The following HMCN1 variants were observed in gnomAD, a reference collection of about 807,000 sequenced individuals.
HMCN1 encodes hemicentin 1, also known as hemicentin-1.
Under a neutral mutation model 625.9 loss-of-function variants are expected in HMCN1, and 321 were observed. The observed-to-expected ratio is 0.51, with a 90% CI of 0.47 to 0.56. The LOEUF is 0.56. Ranked by LOEUF, HMCN1 falls within the 20% of genes least tolerant of loss-of-function variation. HMCN1 has a pLI of 0.00. For synonymous variants in HMCN1, 2,425 were observed against 2,417.6 expected (o/e 1.00, Z -0.09); for missense variants, 6,588 against 6,887.3 (o/e 0.96, Z 1.54).
chr1:186,076,306 A>T, intron 53 of HMCN1, 122 bp from the exon 54 acceptor site: 10 of 989,828 alleles, frequency 1.0e-5, no homozygotes, highest in Non-Finnish European at 1.5e-5. Context: ...TGGCGTCAGT[A>T]CTTGAAATTA....
chr1:185,915,299 C>T lies in HMCN1; in HGVS notation c.900+3519C>T, dbSNP rs55661579. On this transcript the variant is annotated intron_variant, in intron 6 of 106. Coordinates refer to ENST00000271588, the MANE Select transcript of HMCN1 (RefSeq NM_031935.3). ...TGTAGGAAAGCTACAGATCATGGAT[C>T]TTATTTCTGAGAAGCAATATGATTT... Among the ~76,000 whole-genome samples the T allele has an allele frequency of 7.8e-3, 1,189 of 152,120 alleles. 9 individuals are homozygous for T. The highest frequency in any genetic ancestry group is 0.026 in the African/African-American group (1,072 of 41,548).
chr1:185,821,276 G>A, intron 1 of HMCN1, among the ~76,000 whole-genome samples: 1 of 151,988 alleles, frequency 6.6e-6, no homozygotes, highest in East Asian at 1.9e-4. Context: ...TACATTGAGA[G>A]GAATTCTGAA....
At chr1:185,864,817 A>G (rs1221535403) in intron 3 of HMCN1, among the ~76,000 whole-genome samples, 189 bp downstream of exon 3, 1 of 152,242 alleles carries the variant, frequency 6.6e-6, no homozygotes, top group Admixed American at 6.5e-5. Context: ...TATACATACC[A>G]TATGAATGTC....
chr1:185,839,283 T>G (rs1254433009), intron 1 of HMCN1, among the ~76,000 whole-genome samples: 3 of 152,218 alleles, frequency 2.0e-5, no homozygotes, highest in Non-Finnish European at 4.4e-5. Flanking sequence ...AACTTTGAAA[T>G]GAATTACAGT....
intron 30 of HMCN1, among the ~76,000 whole-genome samples, chr1:186,010,381 T>A (rs1157573276): frequency 1.3e-5 from 2 of 152,200 alleles, no homozygotes; most frequent in Admixed American, 6.5e-5. Context: ...TATGTATTTG[T>A]CAAATTTAAG....
intron 1 of HMCN1, among the ~76,000 whole-genome samples, chr1:185,839,419 T>C (rs1255933674): frequency 3.3e-5 from 5 of 152,216 alleles, no homozygotes; most frequent in African/African-American, 1.2e-4. Flanking sequence ...TTGGAAAGCT[T>C]GTTAATTAAA....
intron 11 of HMCN1, among the ~76,000 whole-genome samples, chr1:185,944,045 C>T (rs547316385): frequency 5.7e-4 from 86 of 152,198 alleles, no homozygotes; most frequent in Non-Finnish European, 1.2e-3. Context: ...GGTTACAAAG[C>T]CAGCAAGTGG....
intron 4 of HMCN1, among the ~76,000 whole-genome samples, chr1:185,883,556 T>G (rs1664440902): frequency 6.6e-6 from 1 of 152,060 alleles, no homozygotes; most frequent in Non-Finnish European, 1.5e-5. Flanking sequence ...TTTACCCAAG[T>G]TATTGTGTGT....
At chr1:185,832,937 G>C (rs983356815) in intron 1 of HMCN1, among the ~76,000 whole-genome samples, 2 of 152,172 alleles carry the variant, frequency 1.3e-5, no homozygotes, top group African/African-American at 2.4e-5. Context: ...AAAGTGGATG[G>C]AGACTGTAGA....
In HMCN1 at chr1:186,093,218, C is replaced by T. The variant is rs758416244; in HGVS notation, c.9972C>T (p.Pro3324=). 1.3e-5 allele frequency: 21 copies of T among 1,613,108 alleles called. 1 individual carries two copies. The highest frequency in any genetic ancestry group is 1.6e-4 in the Middle Eastern group (1 of 6,076). The part of the protein sequence containing the change: ...TGKYTCVATN[P]AGEEDRIFNL... Reference sequence around the variant, plus strand: ...AATACACATGTGTTGCTACTAATCCCGCTGGAGAAGAAGACCGAATTTTTA... The same window carrying T: ...AATACACATGTGTTGCTACTAATCCTGCTGGAGAAGAAGACCGAATTTTTA... Residue 3324 remains proline (P), a synonymous_variant, in exon 65 of 107, where the codon CCC becomes CCT. Transcript: ENST00000271588.
intron 11 of HMCN1, among the ~76,000 whole-genome samples, chr1:185,951,680 T>C (rs1254348040): frequency 4.0e-5 from 6 of 150,830 alleles, no homozygotes; most frequent in African/African-American, 1.2e-4. Flanking sequence ...AGTGGGGTCC[T>C]ACACAGATGG....
At chr1:185,998,072 G>A (rs940650125) in intron 25 of HMCN1, among the ~76,000 whole-genome samples, 2 of 152,058 alleles carry the variant, frequency 1.3e-5, no homozygotes, top group African/African-American at 4.8e-5. Flanking sequence ...TTTCTGCCAG[G>A]AGATTGATAT....
intron 35 of HMCN1, among the ~76,000 whole-genome samples, chr1:186,020,244 T>C (rs1654634755): frequency 6.6e-6 from 1 of 151,420 alleles, no homozygotes; most frequent in Non-Finnish European, 1.5e-5. Context: ...TGATGATAGA[T>C]AGATAGATAG....
At position 186,174,510 on chromosome 1, in the gene HMCN1, G is replaced by C; in HGVS notation, c.15815-4G>C. 1 of 1,613,646 alleles carries C rather than the reference G, an allele frequency of 6.2e-7. No individual in the cohort carries two copies. The highest frequency in any genetic ancestry group is 2.2e-5 in the East Asian group (1 of 44,878). On this transcript the variant is annotated splice_region_variant and splice_polypyrimidine_tract_variant and intron_variant, in intron 102 of 106. Transcript: ENST00000271588. ...GTTACTTCTCATTGCCTCCATGTCT[G>C]TAGATATTGATGAATGTAAAGATGG...
At chr1:185,794,042 T>A (rs1658179299) in intron 1 of HMCN1, among the ~76,000 whole-genome samples, 1 of 152,224 alleles carries the variant, frequency 6.6e-6, no homozygotes, top group Non-Finnish European at 1.5e-5. Flanking sequence ...CCGATGCTGT[T>A]ACTTGTTTTC....
chr1:185,980,505 A>G (rs1187835604), intron 16 of HMCN1, among the ~76,000 whole-genome samples: 1 of 151,982 alleles, frequency 6.6e-6, no homozygotes, highest in African/African-American at 2.4e-5. Context: ...CCCATGTTTC[A>G]CCTCTCTAGT....
At chr1:186,031,765 C>A (rs1655454242) in intron 36 of HMCN1, among the ~76,000 whole-genome samples, 1 of 151,946 alleles carries the variant, frequency 6.6e-6, no homozygotes, top group East Asian at 1.9e-4. Context: ...TTTCTTCTTC[C>A]ACCTTCCAGC....
intron 1 of HMCN1, among the ~76,000 whole-genome samples, chr1:185,832,745 A>G (rs1571418137): frequency 6.6e-6 from 1 of 152,230 alleles, no homozygotes; most frequent in African/African-American, 2.4e-5. Flanking sequence ...CAGGACCACA[A>G]GAAAAAGATT....
intron 93 of HMCN1, among the ~76,000 whole-genome samples, chr1:186,148,782 TAAGTCCTGAAAGTCAAA>T (rs1057199239): frequency 2.6e-5 from 4 of 152,160 alleles, no homozygotes; most frequent in African/African-American, 9.7e-5. Flanking sequence ...TCTTAAATAA[TAAGTCCTGAAAGTCAAA>T]ATTACTCTTT....
Sources: allele counts gnomAD v4.1 joint callset (sites outside exome capture counted in the v4.1 genomes callset), GRCh38; gene constraint gnomAD v4.1.1; transcripts MANE v1.5; gene names NCBI Gene and HGNC (gene_info 2026-07-23, HGNC 2026-07-21).